The following CCNH variants were observed in gnomAD, a reference collection of about 807,000 sequenced individuals.
The protein encoded by CCNH is cyclin-H.
CCNH carries 31 observed loss-of-function variants against 41.9 expected under a neutral mutation model. The observed-to-expected ratio is 0.74, with a 90% CI of 0.56 to 1.00. The LOEUF (loss-of-function observed/expected upper bound fraction) is 1.00, where lower values mean the gene tolerates loss of function less well. Ranked by LOEUF, CCNH falls within the 50% of genes least tolerant of loss-of-function variation. The probability of loss-of-function intolerance (pLI) is 0.00; values close to 1 mark genes in which losing one functional copy is unlikely to be tolerated. For synonymous variants in CCNH, 138 were observed against 136.1 expected, an observed-to-expected ratio of 1.01 and a Z score of -0.10; for missense variants, 362 against 388.4, an observed-to-expected ratio of 0.93 and a Z score of 0.57.
At chr5:87,404,797 TA>T in intron 5 of CCNH, 46 bp downstream of exon 5, 1 of 1,405,940 alleles carries the variant, frequency 7.1e-7, no homozygotes, top group African/African-American at 1.5e-5. Context: ...TATGAATAAA[TA>T]AACCCAGTGA....
chr5:87,394,838 G>C (rs1269273351), intron 8 of CCNH: 1 of 1,368,062 alleles, frequency 7.3e-7, no homozygotes, highest in Non-Finnish European at 9.4e-7. Flanking sequence ...ATGAACACAG[G>C]AAGGATTCTT....
downstream of CCNH, among the ~76,000 whole-genome samples, chr5:87,314,103 G>A (rs760229488): frequency 5.9e-5 from 9 of 152,196 alleles, no homozygotes; most frequent in Non-Finnish European, 1.2e-4. Flanking sequence ...AACCCGGGAC[G>A]TGGAGGTTGC....
At chr5:87,319,237 T>A (rs1756590186) in intron 9 of CCNH, among the ~76,000 whole-genome samples, 1 of 152,214 alleles carries the variant, frequency 6.6e-6, no homozygotes, top group Non-Finnish European at 1.5e-5. Flanking sequence ...TGTCAGTGGA[T>A]CTACCCTTGT....
At chr5:87,391,230 GCTGT>G (rs1431715502), downstream of CCNH, 5 of 429,680 alleles carry the variant, frequency 1.2e-5, no homozygotes, top group Non-Finnish European at 1.7e-5. Flanking sequence ...CCAAAGTTTT[GCTGT>G]CTCTTAGAGA....
At chr5:87,376,674 A>G in exon 1 of CCNH, 5 of 1,365,974 alleles carry the variant, frequency 3.7e-6, no homozygotes, top group Non-Finnish European at 5.1e-6. Context: ...TAGTAGCACA[A>G]TGATGCCAGA....
chr5:87,343,480 A>G lies in CCNH; in HGVS notation c.*91-24583T>C, dbSNP rs1171771657. Among the ~76,000 whole-genome samples, 5 of 152,202 alleles carry G rather than the reference A, an allele frequency of 3.3e-5. No homozygotes were observed. In the East Asian group the frequency reaches 7.7e-4, roughly 23 times the overall value. On this transcript the variant is annotated intron_variant and NMD_transcript_variant, in intron 9 of 9. Transcript: ENST00000645953. ...TATGAAAAAATGCTCACCATTCATT[A>G]CTAATCATCAGATAAATGCAAATCA...
At chr5:87,347,809 C>T (rs1272597610) in intron 9 of CCNH, among the ~76,000 whole-genome samples, 1 of 151,844 alleles carries the variant, frequency 6.6e-6, no homozygotes, top group Non-Finnish European at 1.5e-5. Flanking sequence ...CAGTGTGGAA[C>T]CAAAAATATG....
At chr5:87,400,083 C>T (rs1763286266) in intron 6 of CCNH, among the ~76,000 whole-genome samples, 1 of 152,172 alleles carries the variant, frequency 6.6e-6, no homozygotes, top group African/African-American at 2.4e-5. Context: ...GCAAAAACAT[C>T]CTCTAGCTGA....
intron 9 of CCNH, chr5:87,385,429 G>A: frequency 6.9e-7 from 1 of 1,440,156 alleles, no homozygotes; most frequent in South Asian, 1.2e-5. Context: ...ATTTATGAAT[G>A]CAAGTTTGAC....
At chr5:87,385,433 G>T (rs994219526) in intron 9 of CCNH, 2 of 1,399,692 alleles carry the variant, frequency 1.4e-6, no homozygotes, top group Non-Finnish European at 2.0e-6. Flanking sequence ...ATGAATGCAA[G>T]TTTGACATGA....
At position 87,370,204 on chromosome 5, in the gene CCNH, A is replaced by G. The variant is rs1305725962; in HGVS notation, c.*90+22566T>C. ...CCTCTCTGCATAAAGGTTATAGGTC[A>G]TCTCAGTATAATCCAAAGGTAAGCC... On this transcript the variant is annotated intron_variant and NMD_transcript_variant, in intron 9 of 9. Coordinates refer to the CCNH transcript ENST00000645953. Among the ~76,000 whole-genome samples, 3 of 152,192 alleles carry G rather than the reference A, an allele frequency of 2.0e-5. No homozygotes were observed. In the East Asian group the frequency reaches 5.8e-4, roughly 29 times the overall value.
downstream of CCNH, chr5:87,376,178 T>C: frequency 1.7e-6 from 1 of 597,226 alleles, no homozygotes; most frequent in South Asian, 2.0e-5. Context: ...AGAACACATC[T>C]CAATCATCTC....
chr5:87,408,240 A>G, intron 3 of CCNH, 54 bp from the exon 4 acceptor site: 1 of 825,434 alleles, frequency 1.2e-6, no homozygotes, highest in South Asian at 1.8e-5. Context: ...GTGGAAGAAC[A>G]TGCATATACT....
At chr5:87,389,370 G>A (rs1329522444), downstream of CCNH, 3 of 1,613,138 alleles carry the variant, frequency 1.9e-6, no homozygotes, top group Admixed American at 1.7e-5. Flanking sequence ...ATTTCTAAAT[G>A]CAATTTTACG....
chr5:87,346,591 C>T (rs772563173), intron 9 of CCNH: 1 of 806,566 alleles, frequency 1.2e-6, no homozygotes, highest in Non-Finnish European at 2.0e-6. Flanking sequence ...ATTAAACTTA[C>T]TATATTGGTT....
downstream of CCNH, chr5:87,389,467 G>A: frequency 1.2e-6 from 2 of 1,614,192 alleles, no homozygotes; most frequent in Non-Finnish European, 1.7e-6. Flanking sequence ...CATTGCATGA[G>A]ATTTGCGTGG....
chr5:87,393,797 C>CAAA (rs1252996380), downstream of CCNH: 1 of 151,926 alleles, frequency 6.6e-6, no homozygotes, highest in East Asian at 1.9e-4. Context: ...TACATCAAAA[C>CAAA]AAAATTAAAA....
chr5:87,352,843 A>G (rs975224029), intron 9 of CCNH, among the ~76,000 whole-genome samples: 1 of 151,902 alleles, frequency 6.6e-6, no homozygotes, highest in Non-Finnish European at 1.5e-5. Flanking sequence ...GTGAAAAAAA[A>G]GGTAGACTTT....
At chr5:87,330,485 G>T (rs191097875) in intron 9 of CCNH, among the ~76,000 whole-genome samples, 3 of 152,190 alleles carry the variant, frequency 2.0e-5, no homozygotes, top group Admixed American at 2.0e-4. Flanking sequence ...GATGAGTTTG[G>T]CTAAACTATC....
Sources: gnomAD v4.1 joint callset for allele counts (sites outside exome capture counted in the v4.1 genomes callset) on GRCh38, gnomAD v4.1.1 for gene constraint, MANE v1.5 for transcripts, NCBI Gene and HGNC (gene_info 2026-07-23, HGNC 2026-07-21) for gene names.